The following PIK3C2G variants were observed in gnomAD, a reference collection of about 807,000 sequenced individuals.
PIK3C2G encodes the protein phosphatidylinositol 3-kinase C2 domain-containing subunit gamma.
PIK3C2G carries 168 observed loss-of-function variants against 181.1 expected under a neutral mutation model. The ratio of observed to expected loss-of-function variants is 0.93; its 90% confidence interval spans 0.82 to 1.05. The LOEUF (loss-of-function observed/expected upper bound fraction) is 1.05, where lower values mean the gene tolerates loss of function less well. Ranked by LOEUF, PIK3C2G falls within the 50% of genes least tolerant of loss-of-function variation. The pLI is 0.00. For missense variants in PIK3C2G, 1,869 were observed against 1,732.8 expected, an observed-to-expected ratio of 1.08 and a Z score of -1.40; for synonymous variants, 573 against 592.2, an observed-to-expected ratio of 0.97 and a Z score of 0.47.
chr12:18,542,217 C>T (rs1944193732), intron 25 of PIK3C2G, among the ~76,000 whole-genome samples: 1 of 151,768 alleles, frequency 6.6e-6, no homozygotes, highest in Admixed American at 6.6e-5. Flanking sequence ...AGAAATCTGC[C>T]TCAATGAGCA....
At chr12:18,425,348 T>G (rs541866131) in intron 18 of PIK3C2G, among the ~76,000 whole-genome samples, 15 of 151,364 alleles carry the variant, frequency 9.9e-5, no homozygotes, top group African/African-American at 3.4e-4. Flanking sequence ...AAGAAGGAAA[T>G]GGGTTGCTTT....
At chr12:18,398,457 A>G (rs1043800104) in intron 15 of PIK3C2G, among the ~76,000 whole-genome samples, 1 of 152,220 alleles carries the variant, frequency 6.6e-6, no homozygotes, top group Non-Finnish European at 1.5e-5. Context: ...AAACTTTAAA[A>G]TGAATTATAG....
chr12:18,693,547 G>T, the PIK3C2G span: 1 of 1,610,152 alleles, frequency 6.2e-7, no homozygotes, highest in South Asian at 1.1e-5. Context: ...AACTTATTCA[G>T]AAGTACCTAG....
intron 15 of PIK3C2G, among the ~76,000 whole-genome samples, chr12:18,392,880 A>T (rs1943624362): frequency 6.6e-6 from 1 of 152,112 alleles, no homozygotes; most frequent in African/African-American, 2.4e-5. Flanking sequence ...TTGCCTTAAG[A>T]ACTGAAGATG....
At chr12:18,388,862 A>C (rs1337392822) in intron 14 of PIK3C2G, among the ~76,000 whole-genome samples, 3 of 152,184 alleles carry the variant, frequency 2.0e-5, no homozygotes, top group African/African-American at 7.2e-5. Context: ...AGGAGCTGTG[A>C]ATTAGAAGGG....
chr12:18,513,562 G>C (rs933237506), intron 24 of PIK3C2G, among the ~76,000 whole-genome samples: 6 of 151,528 alleles, frequency 4.0e-5, no homozygotes, highest in African/African-American at 1.5e-4. Flanking sequence ...ATTCTTCAAG[G>C]TTATCCAATT....
Position 18,432,039 on chromosome 12 carries a change from G to C in PIK3C2G, c.2504+8000G>C, listed in dbSNP as rs142562802. Among the ~76,000 whole-genome samples, 212 of 152,260 alleles carry C rather than the reference G, an allele frequency of 1.4e-3. 1 individual carries two copies. Among genetic ancestry groups the C allele is most frequent in the African/African-American group, 4.9e-3 (202 of 41,558 alleles). On this transcript the variant is annotated intron_variant, in intron 18 of 32. Coordinates refer to ENST00000538779, the MANE Select transcript of PIK3C2G (RefSeq NM_001288772.2). ...GTTTTCCAGTGAAGGCATAATACAG[G>C]AACAGTTGTTTTTGTCTGTTTTGTT...
chr12:18,255,492 C>G (rs7975342), intron 1 of PIK3C2G, among the ~76,000 whole-genome samples: 75,990 of 151,970 alleles, frequency 0.5, 19,497 homozygotes, highest in East Asian at 0.75. Context: ...TAAGATGACA[C>G]TGAGAACCTA....
intron 1 of PIK3C2G, among the ~76,000 whole-genome samples, chr12:18,267,031 T>C (rs1189472455): frequency 2.0e-5 from 3 of 152,082 alleles, no homozygotes; most frequent in Admixed American, 2.0e-4. Flanking sequence ...TTCTGATTTA[T>C]TTTTAGGATT....
At chr12:18,294,213 C>T (rs1185842546) in intron 5 of PIK3C2G, among the ~76,000 whole-genome samples, 198 bp downstream of exon 5, 1 of 152,030 alleles carries the variant, frequency 6.6e-6, no homozygotes, top group African/African-American at 2.4e-5. Context: ...ATTATGACTA[C>T]TTATGAAAAC....
chr12:18,512,273 C>G (rs11044152), intron 24 of PIK3C2G, among the ~76,000 whole-genome samples: 24,270 of 151,628 alleles, frequency 0.16, 2,443 homozygotes, highest in South Asian at 0.37. Flanking sequence ...GTTCTTTTTG[C>G]TCAAGATTGT....
downstream of PIK3C2G, among the ~76,000 whole-genome samples, chr12:18,650,293 T>TTC (rs140285960): frequency 1.9e-3 from 167 of 87,728 alleles, 2 homozygotes; most frequent in East Asian, 6.1e-3. Flanking sequence ...TAACCCAAAT[T>TTC]TCTCTCTCTC....
chr12:18,664,849 C>A, the PIK3C2G span, among the ~76,000 whole-genome samples: 18 of 151,512 alleles, frequency 1.2e-4, no homozygotes, highest in East Asian at 3.5e-3. Context: ...GAGTTCATGT[C>A]CTTTGTAGGG....
At chr12:18,639,864 TAA>T (rs1310291320) in intron 31 of PIK3C2G, among the ~76,000 whole-genome samples, 2 of 152,250 alleles carry the variant, frequency 1.3e-5, no homozygotes, top group East Asian at 3.9e-4. Flanking sequence ...TTATCCAACA[TAA>T]TTTAGAGTAC....
At chr12:18,433,794 A>C (rs1212212290) in intron 18 of PIK3C2G, among the ~76,000 whole-genome samples, 1 of 152,214 alleles carries the variant, frequency 6.6e-6, no homozygotes, top group Non-Finnish European at 1.5e-5. Flanking sequence ...AGGATGGGAA[A>C]GAACATGACA....
At chr12:18,479,632 G>A (rs1939362813) in intron 18 of PIK3C2G, among the ~76,000 whole-genome samples, 2 of 152,200 alleles carry the variant, frequency 1.3e-5, no homozygotes, top group African/African-American at 4.8e-5. Flanking sequence ...GAACTGGAAG[G>A]CAGCTTACTA....
intron 31 of PIK3C2G, among the ~76,000 whole-genome samples, chr12:18,635,186 G>A (rs572654343): frequency 2.0e-5 from 3 of 152,180 alleles, no homozygotes; most frequent in South Asian, 2.1e-4. Flanking sequence ...AGAACTATCC[G>A]TAAACCAGGC....
chr12:18,288,660 T>G (rs1949556834), intron 3 of PIK3C2G, among the ~76,000 whole-genome samples: 1 of 152,202 alleles, frequency 6.6e-6, no homozygotes, highest in Non-Finnish European at 1.5e-5. Context: ...AGCTAGAAAC[T>G]TGCTACTTTA....
rs1424715687 is a variant in PIK3C2G, at chr12:18,282,643, C to T, written c.562C>T (p.Pro188Ser). 6 of 1,612,944 alleles carry T rather than the reference C, an allele frequency of 3.7e-6. No homozygotes were observed. The highest frequency in any genetic ancestry group is 1.3e-5 in the African/African-American group (1 of 74,878). The change falls in exon 2 of 33, where the codon CCG (proline) becomes TCG (serine). Residue 188 changes from proline (P) to serine (S), a missense_variant. Physicochemically the swap from Pro to Ser is moderately conservative, Grantham distance 74 (BLOSUM62 -1). Transcript: ENST00000538779. Reference sequence around the variant, plus strand: ...TTCATCCTTCTCAAGTGACTTCATGCCGAAAGAAGAGAATAAAAGGAGTGG... The same window carrying T: ...TTCATCCTTCTCAAGTGACTTCATGTCGAAAGAAGAGAATAAAAGGAGTGG... ...TNSSFSSDFM[P>S]KEENKRSGHV...
Sources: gnomAD v4.1 joint callset for allele counts (sites outside exome capture counted in the v4.1 genomes callset) on GRCh38, gnomAD v4.1.1 for gene constraint, MANE v1.5 for transcripts, NCBI Gene and HGNC (gene_info 2026-07-23, HGNC 2026-07-21) for gene names.